Variants in ATP7A observed in about 807,000 individuals in gnomAD.
ATP7A encodes ATPase copper transporting alpha, also known as copper-transporting ATPase 1.
In ATP7A, 7 loss-of-function variants were observed where a neutral mutation model predicts 83.5. That is an observed-to-expected ratio of 0.08 (90% CI 0.05 to 0.16). The LOEUF (loss-of-function observed/expected upper bound fraction) is 0.16. ATP7A is among the 10% of genes least tolerant of loss of function. The pLI, the probability that ATP7A is intolerant of heterozygous loss-of-function variation, is 1.00. For missense variants in ATP7A, 940 were observed against 1,120.8 expected (o/e 0.84, Z 2.30); for synonymous variants, 354 against 395.2 (o/e 0.90, Z 1.24).
chrX:77,956,789 C>T (rs371149152), intron 1 of ATP7A, among the ~76,000 whole-genome samples: 1 of 58,217 alleles, frequency 1.7e-5, no homozygotes, highest in Non-Finnish European at 3.4e-5. Context: ...CTTTCTTTCT[C>T]TTTCTTTCTT....
At chrX:78,035,457 C>A (rs2078007816) in intron 17 of ATP7A, among the ~76,000 whole-genome samples, 1 of 111,388 alleles carries the variant, frequency 9.0e-6, no homozygotes, top group African/African-American at 3.3e-5. Context: ...GCTATGGGCC[C>A]ACCCCTCAGA....
chrX:78,040,981 A>C (rs1407333651), intron 19 of ATP7A, among the ~76,000 whole-genome samples: 3 of 111,325 alleles, frequency 2.7e-5, no homozygotes, highest in Middle Eastern at 4.6e-3. Flanking sequence ...ATTTCTGTTG[A>C]TGTGCCCTTT....
intron 1 of ATP7A, among the ~76,000 whole-genome samples, chrX:77,956,893 G>T: frequency 9.4e-6 from 1 of 106,819 alleles, no homozygotes; most frequent in South Asian, 4.1e-4. Context: ...GACCTCCTGG[G>T]CTTACGTGAT....
At chrX:77,936,224 T>C (rs1306370805) in intron 1 of ATP7A, among the ~76,000 whole-genome samples, 2 of 111,849 alleles carry the variant, frequency 1.8e-5, no homozygotes, top group African/African-American at 3.3e-5. Context: ...TGGCCAGCCA[T>C]CTCTTCTCTT....
intron 2 of ATP7A, among the ~76,000 whole-genome samples, chrX:77,972,764 A>C (rs782561532): frequency 6.7e-4 from 75 of 111,242 alleles, no homozygotes; most frequent in Non-Finnish European, 1.2e-3. Flanking sequence ...GGCCTCCCAG[A>C]GTGCGGGGAT....
chrX:77,989,538 A>G lies in ATP7A; in HGVS notation c.916A>G (p.Ser306Gly). 2 of 1,211,743 alleles carry G rather than the reference A, an allele frequency of 1.7e-6. No individual in the cohort carries two copies. Among genetic ancestry groups the G allele is most frequent in the Non-Finnish European group, 2.2e-6 (2 of 895,312 alleles). The change falls in exon 4 of 23, where the codon AGC becomes GGC. Residue 306 changes from serine to glycine, a missense_variant. Around this residue, in one of 3 missense-constraint regions of ATP7A, gnomAD observed 350 missense variants for 432.8 expected, o/e 0.81. Transcript: ENST00000341514. Reference protein sequence around the residue: ...ESTLSALQYVSSIVVSLENRS... With the variant: ...ESTLSALQYVGSIVVSLENRS... ...TACTTTATCTGCACTCCAATATGTA[A>G]GCAGCATAGTAGTTTCTTTAGAGAA...
Position 78,011,647 on chromosome X carries a change from G to C in ATP7A, c.2145G>C (p.Leu715=). The C allele has an allele frequency of 8.3e-7, 1 of 1,208,545 alleles. No individual in the cohort carries two copies. Among genetic ancestry groups the C allele is most frequent in the Non-Finnish European group, 1.1e-6 (1 of 894,288 alleles). ...ILPGLSVMNL[L]SFLLCVPVQF... is the part of the protein sequence containing the mutation. The stretch of plus-strand genomic sequence containing the variant: ...CAGGATTGTCTGTTATGAATTTGCT[G>C]TCCTTTTTATTGTGTGTACCTGTAC... The change falls in exon 9 of 23, where the codon CTG becomes CTC. Residue 715 remains leucine (L), a synonymous_variant. Transcript: ENST00000341514.
chrX:77,931,252 A>G (rs1352015993), intron 1 of ATP7A, among the ~76,000 whole-genome samples: 5 of 109,493 alleles, frequency 4.6e-5, no homozygotes, highest in African/African-American at 1.7e-4. Flanking sequence ...CTGTTTAACA[A>G]AGCACATCTT....
intron 1 of ATP7A, among the ~76,000 whole-genome samples, chrX:77,937,912 T>TACACAC (rs782577981): frequency 1.1e-5 from 1 of 95,232 alleles, no homozygotes; most frequent in Non-Finnish European, 2.1e-5. Context: ...CACACACACA[T>TACACAC]ACACACACAC....
At chrX:77,977,264 AC>A (rs1268188917) in intron 2 of ATP7A, among the ~76,000 whole-genome samples, 5 of 111,712 alleles carry the variant, frequency 4.5e-5, no homozygotes, top group Non-Finnish European at 7.5e-5. Context: ...AACTAATTAA[AC>A]CTCCTCCACT....
intron 16 of ATP7A, 73 bp from the exon 17 acceptor site, chrX:78,033,532 G>A (rs782118627): frequency 8.9e-5 from 90 of 1,016,906 alleles, no homozygotes; most frequent in Non-Finnish European, 1.2e-4. Flanking sequence ...TTAACTAGGG[G>A]TTTTTATCTT....
intron 17 of ATP7A, among the ~76,000 whole-genome samples, chrX:78,036,464 C>T (rs1557237754): frequency 1.8e-5 from 2 of 111,037 alleles, no homozygotes; most frequent in African/African-American, 6.6e-5. Flanking sequence ...GTGTGGCAAG[C>T]GCAGAGTAAA....
In ATP7A at chrX:78,029,459, A is replaced by G; in HGVS notation, c.3111+15A>G. 2 of 1,196,106 alleles carry G rather than the reference A, an allele frequency of 1.7e-6. No homozygotes were observed. Among genetic ancestry groups the G allele is most frequent in the Non-Finnish European group, 2.3e-6 (2 of 882,462 alleles). On this transcript the variant is annotated intron_variant, in intron 15 of 22. Transcript: ENST00000341514. ...TGGCTCATAAGGTAAGACAGTCCCC[A>G]GAACTAAAACCTGTACCACCAAACT...
intron 1 of ATP7A, chrX:77,969,463 A>T (rs1257837291): frequency 4.1e-6 from 5 of 1,208,728 alleles, no homozygotes; most frequent in Non-Finnish European, 5.6e-6. Flanking sequence ...TCTCTTCTGC[A>T]CTGAGGTGAG....
intron 5 of ATP7A, among the ~76,000 whole-genome samples, chrX:78,000,766 G>A (rs1160161434): frequency 9.1e-6 from 1 of 109,882 alleles, no homozygotes; most frequent in Non-Finnish European, 1.9e-5. Flanking sequence ...CTGGGTTCAA[G>A]CGATTTTCCT....
Position 77,988,061 on chromosome X carries a change from T to C in ATP7A, c.121-181T>C, listed in dbSNP as rs532604753. ...GTCTGCATATATAACTTTACCATTC[T>C]TGTAGGTACACAAGACATTTTATGT... On this transcript the variant is annotated intron_variant, in intron 2 of 22. Transcript: ENST00000341514. 3.0e-4 allele frequency among the ~76,000 whole-genome samples: 34 copies of C among 111,804 alleles called. 1 individual carries two copies. The South Asian group carries it at 0.013, about 42-fold the overall frequency.
chrX:77,972,938 T>C (rs1335045093), intron 2 of ATP7A, among the ~76,000 whole-genome samples: 1 of 108,284 alleles, frequency 9.2e-6, no homozygotes, highest in Non-Finnish European at 1.9e-5. Flanking sequence ...ATCAACAGCA[T>C]TCTAGATATA....
intron 1 of ATP7A, among the ~76,000 whole-genome samples, chrX:77,960,440 T>G (rs1393057251): frequency 1.8e-5 from 2 of 112,213 alleles, no homozygotes; most frequent in African/African-American, 6.5e-5. Flanking sequence ...AAAAAAGAAT[T>G]AAATCTTACT....
chrX:77,953,313 G>A (rs2077423918), intron 1 of ATP7A, among the ~76,000 whole-genome samples: 2 of 111,052 alleles, frequency 1.8e-5, no homozygotes, highest in Non-Finnish European at 3.8e-5. Context: ...TTTTATATTC[G>A]GGGGTACATG....
Sources: allele counts gnomAD v4.1 joint callset (sites outside exome capture counted in the v4.1 genomes callset), GRCh38; gene constraint gnomAD v4.1.1; regional missense constraint gnomAD v4.1.1; transcripts MANE v1.5; gene names NCBI Gene and HGNC (gene_info 2026-07-23, HGNC 2026-07-21).